CA13: variants seen among roughly 807,000 people sequenced by gnomAD.
The protein encoded by CA13 is CA-XIII.
Under a neutral mutation model 31.5 loss-of-function variants are expected in CA13, and 21 were observed. That is an observed-to-expected ratio of 0.67 (90% CI 0.47 to 0.96). The LOEUF (loss-of-function observed/expected upper bound fraction) is 0.96, where lower values mean the gene tolerates loss of function less well. Ranked by LOEUF, CA13 falls within the 40% of genes least tolerant of loss-of-function variation. The pLI, the probability that CA13 is intolerant of heterozygous loss-of-function variation, is 0.00. For synonymous variants in CA13, 117 were observed against 111.4 expected (o/e 1.05, Z -0.32); for missense variants, 315 against 318.9 (o/e 0.99, Z 0.09).
chr8:85,276,364 C>T (rs996777338), intron 6 of CA13, among the ~76,000 whole-genome samples: 4 of 152,234 alleles, frequency 2.6e-5, no homozygotes, highest in African/African-American at 9.6e-5. Context: ...CTGCCCCCTG[C>T]TCCACGGTGC....
chr8:85,268,525 C>T lies in CA13; in HGVS notation c.567C>T (p.Ser189=). The change falls in exon 6 of 7, where the codon TCC becomes TCT. Residue 189 remains serine, a synonymous_variant. Transcript: ENST00000321764. ...NFDLLSLLPP[S]WDYWTYPGSL... The stretch of plus-strand genomic sequence containing the variant: ...ACCTATTGTCTCTGCTTCCACCATC[C>T]TGGGACTACTGGACATATCCTGGTT... 6.2e-7 allele frequency: 1 copy of T among 1,614,046 alleles called. No homozygotes were observed. Among genetic ancestry groups the T allele is most frequent in the Non-Finnish European group, 8.5e-7 (1 of 1,179,940 alleles).
chr8:85,247,889 G>GTTT (rs1235197337), intron 1 of CA13, among the ~76,000 whole-genome samples: 1 of 119,072 alleles, frequency 8.4e-6, no homozygotes, highest in Non-Finnish European at 1.7e-5. Context: ...CAAGTTTTTT[G>GTTT]TTTTTTTTTT....
chr8:85,277,654 C>T (rs1003036515), intron 6 of CA13, among the ~76,000 whole-genome samples: 10 of 152,108 alleles, frequency 6.6e-5, no homozygotes, highest in South Asian at 2.1e-4. Context: ...ACCCTGAGAG[C>T]GCGCCAACAG....
intron 2 of CA13, among the ~76,000 whole-genome samples, chr8:85,254,220 G>A (rs1237498514): frequency 6.6e-6 from 1 of 150,712 alleles, no homozygotes; most frequent in African/African-American, 2.4e-5. Flanking sequence ...GCAGGTTGCA[G>A]TGAGCCAAGA....
chr8:85,261,433 AT>A (rs554558480), intron 3 of CA13, among the ~76,000 whole-genome samples: 47 of 149,646 alleles, frequency 3.1e-4, no homozygotes, highest in African/African-American at 9.3e-4. Flanking sequence ...TATTTTATTT[AT>A]TTTTTTTTTG....
rs975911212 is a variant in CA13 at position 85,283,468 on chromosome 8, A to G, written c.*2119A>G. ...TTTTTATTTGCTGTCTTTGGTAATT[A>G]TCTCTCTGCTTGAAATTAAATGCAC... On this transcript the variant is annotated 3_prime_UTR_variant, in exon 7 of 7. Coordinates refer to ENST00000321764, the MANE Select transcript of CA13 (RefSeq NM_198584.3). 19 of 152,606 alleles carry G rather than the reference A, an allele frequency of 1.2e-4. No homozygotes were observed. Among genetic ancestry groups the G allele is most frequent in the Admixed American group, 1.2e-3 (18 of 15,278 alleles). The allele number at this position is 152,606 out of a possible 1,614,324, so 9.5% of individuals were successfully genotyped here.
chr8:85,257,198 G>A (rs955184346), intron 2 of CA13, among the ~76,000 whole-genome samples: 4 of 152,142 alleles, frequency 2.6e-5, no homozygotes, highest in Admixed American at 1.3e-4. Flanking sequence ...AACAGGTGAG[G>A]TCTCTTATTT....
rs1423564153 is a variant in CA13, at chr8:85,281,797, C to A, written c.*448C>A. On this transcript the variant is annotated 3_prime_UTR_variant, in exon 7 of 7. Transcript: ENST00000321764. ...CCTCTCAAAGTGCTGGGATTTCAGG[C>A]ATGGGTCATCAAGCCCAGCTGACCC... is the stretch of plus-strand genomic sequence containing the variant. 1 of 153,894 alleles carries A rather than the reference C, an allele frequency of 6.5e-6. No individual in the cohort carries two copies. The highest frequency in any genetic ancestry group is 2.4e-5 in the African/African-American group (1 of 41,446). 9.5% of individuals were successfully genotyped at this position (153,894 alleles called of 1,614,324 possible).
chr8:85,272,405 A>G (rs966565831), intron 6 of CA13, among the ~76,000 whole-genome samples: 4 of 151,696 alleles, frequency 2.6e-5, no homozygotes, highest in Non-Finnish European at 1.5e-5. Flanking sequence ...ACAGGCATGC[A>G]TCACCACGCC....
intron 6 of CA13, among the ~76,000 whole-genome samples, chr8:85,279,345 G>A (rs1807663793): frequency 6.6e-6 from 1 of 152,212 alleles, no homozygotes; most frequent in African/African-American, 2.4e-5. Flanking sequence ...TAAGGCCAGG[G>A]CAGTAGTGGA....
chr8:85,279,056 A>G (rs577843699), intron 6 of CA13, among the ~76,000 whole-genome samples: 1 of 152,342 alleles, frequency 6.6e-6, no homozygotes, highest in Non-Finnish European at 1.5e-5. Context: ...AGGTTTGAGC[A>G]TGAGAGTGGC....
Position 85,281,256 on chromosome 8 carries a change from C to T in CA13, c.696C>T (p.Cys232=). The T allele has an allele frequency of 6.2e-7, 1 of 1,614,008 alleles. No homozygotes were observed. The highest frequency in any genetic ancestry group is 1.3e-5 in the African/African-American group (1 of 75,030). The change falls in exon 7 of 7, where the codon TGC becomes TGT. Residue 232 remains cysteine (C), a synonymous_variant. Coordinates refer to ENST00000321764, the MANE Select transcript of CA13 (RefSeq NM_198584.3). ...TGGCCAAATTTCGCAGTCTCCTGTGCACAGCGGAGGGTGAAGCAGCAGCTT... is the reference window on the plus strand; with the variant it reads ...TGGCCAAATTTCGCAGTCTCCTGTGTACAGCGGAGGGTGAAGCAGCAGCTT... ...QQLAKFRSLL[C]TAEGEAAAFL...
intron 6 of CA13, among the ~76,000 whole-genome samples, chr8:85,272,985 T>C (rs1807549093): frequency 6.6e-6 from 1 of 152,132 alleles, no homozygotes; most frequent in African/African-American, 2.4e-5. Flanking sequence ...ACCCAGCTAA[T>C]TTTTGTATTT....
chr8:85,269,231 C>T (rs986853281), intron 6 of CA13, among the ~76,000 whole-genome samples: 4 of 152,094 alleles, frequency 2.6e-5, no homozygotes, highest in African/African-American at 7.2e-5. Flanking sequence ...GTGGGTGGAT[C>T]GCTTGAGCCC....
intron 2 of CA13, among the ~76,000 whole-genome samples, chr8:85,253,064 G>C (rs1199927927): frequency 1.3e-5 from 2 of 151,412 alleles, no homozygotes; most frequent in East Asian, 3.9e-4. Flanking sequence ...TCCTGCCTCC[G>C]CCTCCCAAGT....
At chr8:85,267,085 G>C (rs2129985269) in intron 4 of CA13, 1 of 197,658 alleles carries the variant, frequency 5.1e-6, no homozygotes, top group East Asian at 1.8e-4. Context: ...GTCCCAATGT[G>C]CTCACTGGTT....
At chr8:85,261,282 C>T (rs1807375453) in intron 3 of CA13, among the ~76,000 whole-genome samples, 2 of 152,114 alleles carry the variant, frequency 1.3e-5, no homozygotes, top group African/African-American at 4.8e-5. Context: ...TTTTGTTTCA[C>T]ATGGAGACCT....
chr8:85,268,100 C>A, intron 5 of CA13, 136 bp downstream of exon 5: 1 of 576,638 alleles, frequency 1.7e-6, no homozygotes. Context: ...CAGAAGTAAC[C>A]TATTACCACT....
chr8:85,281,148 G>A (rs1436353135), intron 6 of CA13, 82 bp from the exon 7 acceptor site: 3 of 1,508,910 alleles, frequency 2.0e-6, no homozygotes, highest in Non-Finnish European at 2.7e-6. Flanking sequence ...CCTGGTTATA[G>A]ATATATCTTC....
Sources: gnomAD v4.1 joint callset for allele counts (sites outside exome capture counted in the v4.1 genomes callset) on GRCh38, gnomAD v4.1.1 for gene constraint, MANE v1.5 for transcripts, NCBI Gene and HGNC (gene_info 2026-07-23, HGNC 2026-07-21) for gene names.